SHCBP1: variants seen among roughly 807,000 people sequenced by gnomAD.
SHCBP1 encodes SHC SH2 domain-binding protein 1.
In SHCBP1, 60 loss-of-function variants were observed where a neutral mutation model predicts 75.1. The observed-to-expected ratio is 0.80, with a 90% CI of 0.65 to 0.99. The LOEUF (loss-of-function observed/expected upper bound fraction) is 0.99. Among genes scored for constraint, SHCBP1 ranks in the 50% least tolerant of loss-of-function variants. The probability of loss-of-function intolerance (pLI) is 0.00; values close to 1 mark genes in which losing one functional copy is unlikely to be tolerated. For missense variants in SHCBP1, 709 were observed against 809.4 expected, an observed-to-expected ratio of 0.88 and a Z score of 1.50; for synonymous variants, 290 against 293.2, an observed-to-expected ratio of 0.99 and a Z score of 0.11.
At chr16:46,617,456 T>A (rs953378985) in intron 3 of SHCBP1, among the ~76,000 whole-genome samples, 178 bp downstream of exon 3, 2 of 151,938 alleles carry the variant, frequency 1.3e-5, no homozygotes, top group African/African-American at 4.8e-5. Flanking sequence ...TGGTAACAAC[T>A]CCTCAGTTGC....
intron 9 of SHCBP1, among the ~76,000 whole-genome samples, chr16:46,597,020 G>A (rs1053210750): frequency 1.3e-5 from 2 of 151,948 alleles, no homozygotes; most frequent in East Asian, 2.0e-4. Context: ...GAGCCACCAC[G>A]CCCAGCTTCA....
chr16:46,585,974 C>T (rs757096106), intron 10 of SHCBP1, among the ~76,000 whole-genome samples: 4 of 152,288 alleles, frequency 2.6e-5, no homozygotes, highest in East Asian at 1.9e-4. Context: ...ACCCATCTAC[C>T]GCCAACCCTG....
rs1225248983 is a variant in SHCBP1, at chr16:46,581,411, G to A, written c.*318C>T. The A allele has an allele frequency of 4.6e-5, 12 of 258,268 alleles. No homozygotes were observed. Among genetic ancestry groups the A allele is most frequent in the African/African-American group, 1.6e-4 (7 of 44,252 alleles). 16.0% of individuals were successfully genotyped at this position (258,268 alleles called of 1,614,324 possible). ...CTTGCATTCCCTTCCTTACTTCCTCGTCTTTGAAGTGCTAAAGGTAATTAC... is the reference window on the plus strand; with the variant it reads ...CTTGCATTCCCTTCCTTACTTCCTCATCTTTGAAGTGCTAAAGGTAATTAC... On this transcript the variant is annotated 3_prime_UTR_variant, in exon 13 of 13. Coordinates refer to ENST00000303383, the MANE Select transcript of SHCBP1 (RefSeq NM_024745.5).
intron 1 of SHCBP1, 138 bp from the exon 2 acceptor site, chr16:46,618,510 G>T: frequency 1.2e-6 from 1 of 863,460 alleles, no homozygotes; most frequent in Non-Finnish European, 1.6e-6. Context: ...CTACCATTGT[G>T]AGAAGAAACT....
At chr16:46,613,275 A>T (rs1453986540) in intron 4 of SHCBP1, among the ~76,000 whole-genome samples, 2 of 152,192 alleles carry the variant, frequency 1.3e-5, no homozygotes, top group Admixed American at 6.5e-5. Context: ...GCATTGAATC[A>T]CATGATTGCA....
chr16:46,620,932 G>A (rs1965578392), intron 1 of SHCBP1: 2 of 283,218 alleles, frequency 7.1e-6, no homozygotes, highest in South Asian at 2.6e-4. Flanking sequence ...ATGGCCCCTT[G>A]AGCAACAGTA....
rs909932347 is a variant in SHCBP1, at chr16:46,610,444, G to A, written c.597-2055C>T. On this transcript the variant is annotated intron_variant, in intron 4 of 12. Coordinates refer to ENST00000303383, the MANE Select transcript of SHCBP1 (RefSeq NM_024745.5). ...CTTTGACTGACACATTTCTTAAATC[G>A]CTGTTAGCCTACACATTACCTCTCC... Among the ~76,000 whole-genome samples the A allele has an allele frequency of 6.7e-5, 10 of 149,392 alleles. No individual in the cohort carries two copies. In the South Asian group the frequency reaches 8.4e-4, roughly 13 times the overall value.
At chr16:46,586,800 C>CA (rs1299732336) in intron 10 of SHCBP1, among the ~76,000 whole-genome samples, 3 of 151,974 alleles carry the variant, frequency 2.0e-5, no homozygotes. Flanking sequence ...CAGTATTGTT[C>CA]AAGGGCTAAA....
At chr16:46,585,136 A>G (rs1159058024) in intron 10 of SHCBP1, among the ~76,000 whole-genome samples, 1 of 152,224 alleles carries the variant, frequency 6.6e-6, no homozygotes, top group African/African-American at 2.4e-5. Context: ...TTAAAATTAA[A>G]TATCAAACTG....
At chr16:46,595,303 A>AATTAC (rs1965117545) in intron 10 of SHCBP1, among the ~76,000 whole-genome samples, 1 of 151,772 alleles carries the variant, frequency 6.6e-6, no homozygotes, top group Admixed American at 6.6e-5. Flanking sequence ...GTGAATCTAC[A>AATTAC]AAGTTATAAT....
At chr16:46,588,740 G>A (rs1299482024) in intron 10 of SHCBP1, among the ~76,000 whole-genome samples, 1 of 152,106 alleles carries the variant, frequency 6.6e-6, no homozygotes, top group Non-Finnish European at 1.5e-5. Context: ...TTCTACCAGA[G>A]GTACAAAGAG....
chr16:46,617,847 T>C, intron 2 of SHCBP1, 98 bp from the exon 3 acceptor site: 2 of 919,266 alleles, frequency 2.2e-6, no homozygotes, highest in Non-Finnish European at 3.5e-6. Context: ...TCTGAGGGAC[T>C]GAAATAGATA....
intron 10 of SHCBP1, among the ~76,000 whole-genome samples, chr16:46,584,854 G>A (rs908907832): frequency 1.3e-5 from 2 of 152,190 alleles, no homozygotes; most frequent in South Asian, 2.1e-4. Flanking sequence ...CAACAGCATC[G>A]ATGAAGAAGA....
At chr16:46,589,750 G>A (rs535960031) in intron 10 of SHCBP1, among the ~76,000 whole-genome samples, 25 of 152,130 alleles carry the variant, frequency 1.6e-4, no homozygotes, top group Admixed American at 9.8e-4. Flanking sequence ...ACTGCCCAAG[G>A]TAATTTATAG....
intron 1 of SHCBP1, among the ~76,000 whole-genome samples, chr16:46,620,228 G>A (rs576428928): frequency 2.0e-5 from 3 of 152,052 alleles, no homozygotes; most frequent in South Asian, 2.1e-4. Context: ...AATTTGTGTC[G>A]CATTGCACCA....
At chr16:46,606,760 G>C (rs553949648) in intron 5 of SHCBP1, among the ~76,000 whole-genome samples, 17 of 151,696 alleles carry the variant, frequency 1.1e-4, no homozygotes, top group Non-Finnish European at 2.1e-4. Flanking sequence ...GCCCATTTAC[G>C]AAGAGCTAAA....
intron 9 of SHCBP1, among the ~76,000 whole-genome samples, chr16:46,596,884 C>T (rs1965152249): frequency 6.6e-6 from 1 of 151,620 alleles, no homozygotes; most frequent in African/African-American, 2.4e-5. Flanking sequence ...TGTATCACCA[C>T]ACCTGGCTAG....
intron 11 of SHCBP1, 67 bp downstream of exon 11, chr16:46,583,936 A>G: frequency 7.3e-7 from 1 of 1,362,306 alleles, no homozygotes; most frequent in Non-Finnish European, 1.0e-6. Context: ...CAACAATTTA[A>G]TAAAGCATAA....
chr16:46,602,588 T>G (rs1252295733), intron 8 of SHCBP1, among the ~76,000 whole-genome samples: 1 of 152,234 alleles, frequency 6.6e-6, no homozygotes, highest in African/African-American at 2.4e-5. Flanking sequence ...TAAAGTAACC[T>G]AAATTTAGAA....
Sources: allele counts gnomAD v4.1 joint callset (sites outside exome capture counted in the v4.1 genomes callset), GRCh38; gene constraint gnomAD v4.1.1; transcripts MANE v1.5; gene names NCBI Gene and HGNC (gene_info 2026-07-23, HGNC 2026-07-21).